The following KCNK13 variants were observed in gnomAD, a reference collection of about 807,000 sequenced individuals.
The protein encoded by KCNK13 is potassium two pore domain channel subfamily K member 13.
A neutral mutation model predicts 23.4 loss-of-function variants in KCNK13; 12 were observed. The observed-to-expected ratio is 0.51, with a 90% CI of 0.33 to 0.83. The LOEUF (loss-of-function observed/expected upper bound fraction) is 0.83. Ranked by LOEUF, KCNK13 falls within the 40% of genes least tolerant of loss-of-function variation. The pLI is 0.02. For missense variants in KCNK13, 463 were observed against 556.3 expected (o/e 0.83, Z 1.69); for synonymous variants, 231 against 229.5 (o/e 1.01, Z -0.06).
chr14:90,174,947 C>A (rs895690975), intron 1 of KCNK13, among the ~76,000 whole-genome samples: 2 of 152,114 alleles, frequency 1.3e-5, no homozygotes, highest in African/African-American at 4.8e-5. Context: ...ATGGGCATAA[C>A]CTCCTCCAGG....
chr14:90,184,434 G>A lies in KCNK13; in HGVS notation c.658G>A (p.Glu220Lys). 1 of 1,614,238 alleles carries A rather than the reference G, an allele frequency of 6.2e-7. No individual in the cohort carries two copies. The highest frequency in any genetic ancestry group is 1.1e-5 in the South Asian group (1 of 91,086). The change falls in exon 2 of 2, where the codon GAA (glutamate) becomes AAA (lysine). Residue 220 changes from glutamate to lysine, a missense_variant. Physicochemically the swap from Glu to Lys is moderately conservative, Grantham distance 56. Transcript: ENST00000282146. This position sits in a 1 kb window ranked among gnomAD's most constrained non-coding sequence, Gnocchi z 5.6. Reference protein sequence around the residue: ...CCASAMYTPIEGWSYFDSLYF... With the variant: ...CCASAMYTPIKGWSYFDSLYF... Reference sequence around the variant, plus strand: ...CGCCTCAGCCATGTACACCCCCATTGAAGGCTGGAGCTACTTTGACTCACT... The same window carrying A: ...CGCCTCAGCCATGTACACCCCCATTAAAGGCTGGAGCTACTTTGACTCACT...
intron 1 of KCNK13, among the ~76,000 whole-genome samples, chr14:90,134,849 A>G (rs1889916946): frequency 1.3e-5 from 2 of 152,368 alleles, no homozygotes; most frequent in African/African-American, 4.8e-5. Context: ...AAATGTTACT[A>G]TAATCAAACG....
At chr14:90,081,257 C>T (rs1889205803) in intron 1 of KCNK13, among the ~76,000 whole-genome samples, 1 of 152,226 alleles carries the variant, frequency 6.6e-6, no homozygotes, top group Non-Finnish European at 1.5e-5. Context: ...CAATTATTAA[C>T]TGCAAGGTGG....
At chr14:90,157,688 C>T (rs1890209228) in intron 1 of KCNK13, among the ~76,000 whole-genome samples, 1 of 138,394 alleles carries the variant, frequency 7.2e-6, no homozygotes, top group Non-Finnish European at 1.5e-5. Context: ...GCCACCATAC[C>T]TGGCTTGGCT....
At chr14:90,107,595 A>T in intron 1 of KCNK13, 1 of 514,154 alleles carries the variant, frequency 1.9e-6, no homozygotes, top group East Asian at 3.6e-5. Context: ...TTATTTGTAA[A>T]ACAAGAATTA....
intron 1 of KCNK13, among the ~76,000 whole-genome samples, chr14:90,137,466 G>T (rs1000812284): frequency 6.6e-6 from 1 of 151,808 alleles, no homozygotes; most frequent in Non-Finnish European, 1.5e-5. Context: ...GATTACAGGC[G>T]CCCGCCAACA....
intron 1 of KCNK13, among the ~76,000 whole-genome samples, chr14:90,150,589 G>T (rs1890124381): frequency 6.6e-6 from 1 of 152,222 alleles, no homozygotes; most frequent in Admixed American, 6.5e-5. Context: ...GAGAAGGTCT[G>T]TCTGATGCAC....
chr14:90,174,024 C>T (rs535555510), intron 1 of KCNK13, among the ~76,000 whole-genome samples: 140 of 151,940 alleles, frequency 9.2e-4, no homozygotes, highest in African/African-American at 3.3e-3. Flanking sequence ...TGTCAGATCT[C>T]GGCCAGGCGC....
At chr14:90,092,104 A>G (rs1014028096) in intron 1 of KCNK13, among the ~76,000 whole-genome samples, 1 of 151,874 alleles carries the variant, frequency 6.6e-6, no homozygotes, top group Non-Finnish European at 1.5e-5. Context: ...TTTATTTTTT[A>G]GTAGAGATGG....
rs571202779 is a variant in KCNK13, at chr14:90,120,737, A to C, written c.334+58198A>C. 1.6e-4 allele frequency among the ~76,000 whole-genome samples: 25 copies of C among 152,314 alleles called. 1 individual carries two copies. The highest frequency in any genetic ancestry group is 2.6e-4 in the Admixed American group (4 of 15,302). On this transcript the variant is annotated intron_variant, in intron 1 of 1. Transcript: ENST00000282146. ...TGGGGACACAAAGCCAAATCACATC[A>C]TTCTGCCCCCGGCCCCTCCCAAATC...
intron 1 of KCNK13, among the ~76,000 whole-genome samples, chr14:90,115,780 T>C (rs562986173): frequency 6.6e-6 from 1 of 152,348 alleles, no homozygotes; most frequent in South Asian, 2.1e-4. Flanking sequence ...TGGGGAGCTA[T>C]AATGTGTTCT....
intron 1 of KCNK13, among the ~76,000 whole-genome samples, chr14:90,113,251 G>T (rs912365945): frequency 6.6e-6 from 1 of 152,034 alleles, no homozygotes; most frequent in African/African-American, 2.4e-5. Context: ...GAAAAACATG[G>T]TACTGGTTTA....
chr14:90,099,548 G>T lies in KCNK13; in HGVS notation c.334+37009G>T, dbSNP rs201325564. 2.0e-5 allele frequency among the ~76,000 whole-genome samples: 3 copies of T among 152,228 alleles called. No individual in the cohort carries two copies. The East Asian group carries it at 5.8e-4, about 29-fold the overall frequency. On this transcript the variant is annotated intron_variant, in intron 1 of 1. Coordinates refer to ENST00000282146, the MANE Select transcript of KCNK13 (RefSeq NM_022054.4). ...AGTGAGTTATTAGAAAGGTGTTTCTGGCTCAACAATTGGCTGTATATATAG... is the reference window on the plus strand; with the variant it reads ...AGTGAGTTATTAGAAAGGTGTTTCTTGCTCAACAATTGGCTGTATATATAG...
chr14:90,173,410 G>A (rs188059743), intron 1 of KCNK13, among the ~76,000 whole-genome samples: 2 of 152,312 alleles, frequency 1.3e-5, no homozygotes, highest in East Asian at 3.9e-4. Context: ...ACTTTGATGA[G>A]GGGAGGGTAA....
intron 1 of KCNK13, among the ~76,000 whole-genome samples, chr14:90,078,719 C>CCGAG (rs1209423248): frequency 1.3e-5 from 2 of 152,030 alleles, no homozygotes; most frequent in Non-Finnish European, 2.9e-5. Context: ...TGGGTGAAGA[C>CCGAG]CGAGCTCCCG....
chr14:90,177,760 C>T (rs556719266), intron 1 of KCNK13, among the ~76,000 whole-genome samples: 4 of 152,268 alleles, frequency 2.6e-5, no homozygotes, highest in African/African-American at 9.6e-5. Context: ...ATTCATGCAT[C>T]ATATTCTAAA....
intron 1 of KCNK13, among the ~76,000 whole-genome samples, chr14:90,101,381 A>T (rs1316897848): frequency 6.6e-6 from 1 of 152,028 alleles, no homozygotes; most frequent in Non-Finnish European, 1.5e-5. Flanking sequence ...CAAAACCAAT[A>T]CTTAGACGAG....
At chr14:90,088,933 C>T (rs1014219622) in intron 1 of KCNK13, among the ~76,000 whole-genome samples, 4 of 152,172 alleles carry the variant, frequency 2.6e-5, no homozygotes, top group African/African-American at 7.2e-5. Flanking sequence ...TTGACTTCTC[C>T]TCCTTGTCTT....
intron 1 of KCNK13, among the ~76,000 whole-genome samples, chr14:90,132,438 G>C (rs1277205042): frequency 6.6e-6 from 1 of 151,940 alleles, no homozygotes; most frequent in East Asian, 1.9e-4. Flanking sequence ...CAGCTACTCA[G>C]GAGGCTGAGG....
Sources: gnomAD v4.1 joint callset for allele counts (sites outside exome capture counted in the v4.1 genomes callset) on GRCh38, gnomAD v4.1.1 for gene constraint, Gnocchi (gnomAD v3.1) non-coding constraint, MANE v1.5 for transcripts, NCBI Gene and HGNC (gene_info 2026-07-23, HGNC 2026-07-21) for gene names.